The following SYT14 variants were observed in gnomAD, a reference collection of about 807,000 sequenced individuals.
SYT14 encodes the protein synaptotagmin 14, also known as synaptotagmin-14.
In SYT14, 32 loss-of-function variants were observed where a neutral mutation model predicts 74.2. The ratio of observed to expected loss-of-function variants is 0.43; its 90% CI spans 0.33 to 0.58. The LOEUF (loss-of-function observed/expected upper bound fraction) is 0.58. Ranked by LOEUF, SYT14 falls within the 20% of genes least tolerant of loss-of-function variation. The pLI is 0.05. For missense variants in SYT14, 791 were observed against 981.8 expected (o/e 0.81, Z 2.60); for synonymous variants, 298 against 337.7 (o/e 0.88, Z 1.29).
exon 10 of SYT14, chr1:210,166,677 A>T (rs2083459329): frequency 1.3e-5 from 2 of 152,150 alleles, no homozygotes; most frequent in Non-Finnish European, 2.9e-5. Context: ...TTTAACTTGT[A>T]TTCCAAAACT....
intron 2 of SYT14, among the ~76,000 whole-genome samples, chr1:209,976,826 T>A (rs535859854): frequency 2.0e-5 from 3 of 152,126 alleles, no homozygotes; most frequent in South Asian, 4.1e-4. Context: ...CCCATTATTA[T>A]TGTGTGGGAG....
At chr1:209,939,258 G>C (rs965234699) in intron 1 of SYT14, among the ~76,000 whole-genome samples, 3 of 152,204 alleles carry the variant, frequency 2.0e-5, no homozygotes, top group Non-Finnish European at 4.4e-5. Flanking sequence ...TTTTCCCTGT[G>C]TGTGTATATT....
intron 5 of SYT14, among the ~76,000 whole-genome samples, chr1:210,087,063 G>C (rs1198879360): frequency 6.6e-6 from 1 of 152,146 alleles, no homozygotes; most frequent in East Asian, 1.9e-4. Context: ...GACCAGCTGA[G>C]CATGGGCTCT....
chr1:210,163,277 T>G (rs778913683), exon 10 of SYT14: 1 of 453,778 alleles, frequency 2.2e-6, no homozygotes, highest in South Asian at 1.6e-5. Flanking sequence ...TTTCAGACTA[T>G]TCCCAGAATT....
intron 7 of SYT14, among the ~76,000 whole-genome samples, chr1:210,130,942 G>C (rs1473625697): frequency 6.6e-6 from 1 of 152,072 alleles, no homozygotes; most frequent in African/African-American, 2.4e-5. Context: ...CATAACATTT[G>C]AAATTTGAAT....
At chr1:210,085,701 T>G (rs2081713562) in intron 5 of SYT14, among the ~76,000 whole-genome samples, 1 of 152,234 alleles carries the variant, frequency 6.6e-6, no homozygotes, top group Non-Finnish European at 1.5e-5. Context: ...ACATCTTAAA[T>G]GTTAAATGTT....
intron 5 of SYT14, among the ~76,000 whole-genome samples, chr1:210,062,623 C>A: frequency 6.6e-6 from 1 of 151,800 alleles, no homozygotes; most frequent in East Asian, 1.9e-4. Context: ...TACAACTAAA[C>A]GTTGTAGTTT....
At chr1:210,151,534 A>T in intron 7 of SYT14, among the ~76,000 whole-genome samples, 1 of 126,758 alleles carries the variant, frequency 7.9e-6, no homozygotes, top group African/African-American at 2.9e-5. Context: ...TTTTAACTAC[A>T]GTGGTTCTGT....
chr1:210,021,128 A>G (rs2080293019), exon 5 of SYT14: 1 of 1,614,082 alleles, frequency 6.2e-7, no homozygotes, highest in Non-Finnish European at 8.5e-7. Context: ...CTTATCCAGA[A>G]CACACAATTC....
Position 210,155,800 on chromosome 1 carries a change from C to G in SYT14, c.2114C>G (p.Ser705Ter). ...TCATGTCAGTCTCTTGAACATGGCT[C>G]AGTTCCAGAAATTCTTATTGGCCTG... Residue 705 changes from serine (S) to a stop codon, truncating the protein, a stop_gained, in exon 8 of 10, where the codon TCA (serine) becomes TGA (stop). Coordinates refer to ENST00000637265, the Ensembl canonical transcript of SYT14. LOFTEE classifies it high-confidence loss of function. The G allele has an allele frequency of 6.2e-7, 1 of 1,614,094 alleles. No individual in the cohort carries two copies. Among genetic ancestry groups the G allele is most frequent in the East Asian group, 2.2e-5 (1 of 44,864 alleles).
At chr1:209,970,098 G>T (rs772559578) in intron 2 of SYT14, among the ~76,000 whole-genome samples, 1 of 152,040 alleles carries the variant, frequency 6.6e-6, no homozygotes, top group Non-Finnish European at 1.5e-5. Flanking sequence ...TTTTGTTTTT[G>T]TTGCATTTGC....
At chr1:210,028,253 TC>T (rs1254478460) in intron 5 of SYT14, among the ~76,000 whole-genome samples, 1 of 150,188 alleles carries the variant, frequency 6.7e-6, no homozygotes, top group African/African-American at 2.4e-5. Context: ...TCCTTTTTTT[TC>T]TTCAATTTTA....
At chr1:210,132,890 C>T (rs969554847) in intron 7 of SYT14, among the ~76,000 whole-genome samples, 1 of 152,150 alleles carries the variant, frequency 6.6e-6, no homozygotes, top group Non-Finnish European at 1.5e-5. Flanking sequence ...TCTAACTATA[C>T]CTCTTACTTG....
At chr1:210,012,534 A>G (rs2080104875) in intron 2 of SYT14, among the ~76,000 whole-genome samples, 1 of 152,168 alleles carries the variant, frequency 6.6e-6, no homozygotes, top group Non-Finnish European at 1.5e-5. Flanking sequence ...TGACTGGAGT[A>G]TAATATTGAA....
intron 5 of SYT14, among the ~76,000 whole-genome samples, chr1:210,080,835 A>G (rs2081603259): frequency 2.0e-5 from 3 of 152,200 alleles, no homozygotes; most frequent in African/African-American, 7.2e-5. Flanking sequence ...GCATGCATAG[A>G]TGGATGTGTT....
exon 10 of SYT14, chr1:210,161,212 A>T (rs1293667795): frequency 2.7e-6 from 2 of 747,462 alleles, no homozygotes; most frequent in East Asian, 5.4e-5. Flanking sequence ...ACATAAATGA[A>T]GAAAATATGT....
At chr1:209,978,329 T>C (rs570545717) in intron 2 of SYT14, among the ~76,000 whole-genome samples, 3 of 152,210 alleles carry the variant, frequency 2.0e-5, no homozygotes, top group African/African-American at 4.8e-5. Context: ...TCACCATCTT[T>C]GTGGTTTTAT....
intron 1 of SYT14, among the ~76,000 whole-genome samples, chr1:209,949,567 G>A (rs560317267): frequency 1.7e-3 from 216 of 127,178 alleles, no homozygotes; most frequent in Admixed American, 4.5e-3. Flanking sequence ...GTGAGACTCC[G>A]TCTCAAAAAA....
chr1:210,033,430 G>A (rs1406329991), intron 5 of SYT14, among the ~76,000 whole-genome samples: 1 of 151,730 alleles, frequency 6.6e-6, no homozygotes, highest in Non-Finnish European at 1.5e-5. Flanking sequence ...CAGTCTTCAT[G>A]TGGAGCTCTC....
Sources: gnomAD v4.1 joint callset for allele counts (sites outside exome capture counted in the v4.1 genomes callset) on GRCh38, gnomAD v4.1.1 for gene constraint, MANE v1.5 for transcripts, NCBI Gene and HGNC (gene_info 2026-07-23, HGNC 2026-07-21) for gene names.